The following ERC1 variants were observed in gnomAD, a reference collection of about 807,000 sequenced individuals.
ERC1 encodes ELKS/RAB6-interacting/CAST family member 1.
ERC1 carries 56 observed loss-of-function variants against 132.0 expected under a neutral mutation model. That is an observed-to-expected ratio of 0.42 (90% confidence interval 0.34 to 0.53). The LOEUF (loss-of-function observed/expected upper bound fraction) is 0.53. ERC1 is among the 20% of genes least tolerant of loss of function. ERC1 has a pLI of 0.03. For missense variants in ERC1, 1,202 were observed against 1,349.9 expected (o/e 0.89, Z 1.72); for synonymous variants, 478 against 476.1 (o/e 1.00, Z -0.05).
intron 18 of ERC1, among the ~76,000 whole-genome samples, chr12:1,484,162 G>T (rs541474224): frequency 1.3e-5 from 2 of 151,902 alleles, no homozygotes; most frequent in Non-Finnish European, 2.9e-5. Flanking sequence ...AAAATTAGCC[G>T]AGCGTGGTAG....
At chr12:1,289,799 T>G in intron 14 of ERC1, 53 bp from the exon 15 acceptor site, 1 of 1,508,294 alleles carries the variant, frequency 6.6e-7, no homozygotes, top group East Asian at 2.3e-5. Flanking sequence ...CCAGGTCCTC[T>G]GACTCTGATT....
At chr12:1,168,187 C>T (rs1335278673) in intron 8 of ERC1, among the ~76,000 whole-genome samples, 1 of 152,050 alleles carries the variant, frequency 6.6e-6, no homozygotes, top group African/African-American at 2.4e-5. Flanking sequence ...GTGGTGCGAT[C>T]GTGGCTCACT....
intron 13 of ERC1, among the ~76,000 whole-genome samples, chr12:1,249,165 ATACTT>A (rs1189358867): frequency 3.9e-5 from 6 of 152,154 alleles, no homozygotes; most frequent in Non-Finnish European, 7.3e-5. Flanking sequence ...TGCATGGATT[ATACTT>A]TACATTACTT....
At chr12:1,473,115 T>C (rs2093897070) in intron 18 of ERC1, among the ~76,000 whole-genome samples, 1 of 152,172 alleles carries the variant, frequency 6.6e-6, no homozygotes. Context: ...AACCTCCGCC[T>C]CCTGGGTTCA....
intron 16 of ERC1, among the ~76,000 whole-genome samples, chr12:1,394,551 G>A (rs73026443): frequency 0.039 from 5,968 of 152,226 alleles, 129 homozygotes; most frequent in Middle Eastern, 0.082. Context: ...TGAAGAAGGG[G>A]CCTGATGAGA....
At chr12:1,304,297 C>T (rs1274081367) in intron 15 of ERC1, among the ~76,000 whole-genome samples, 2 of 152,178 alleles carry the variant, frequency 1.3e-5, no homozygotes, top group African/African-American at 4.8e-5. Flanking sequence ...TGATGCCATC[C>T]TTTTGAGTGT....
Position 1,263,139 on chromosome 12 carries a change from T to C in ERC1, c.2593T>C (p.Ser865Pro). 2 of 1,614,076 alleles carry C rather than the reference T, an allele frequency of 1.2e-6. No individual in the cohort carries two copies. The highest frequency in any genetic ancestry group is 1.7e-6 in the Non-Finnish European group (2 of 1,180,004). The change falls in exon 14 of 19, where the codon TCA becomes CCA. Residue 865 changes from serine (S) to proline (P), a missense_variant. Physicochemically the swap from Ser to Pro is moderately conservative, Grantham distance 74 (BLOSUM62 -1). Transcript: ENST00000360905. The part of the protein sequence containing the change: ...EREMVLAQEE[S>P]ARTNAEKQVE... Reference sequence around the variant, plus strand: ...GGAAATGGTGCTAGCACAAGAGGAATCAGCCAGGACCAATGCTGAAAAACA... The same window carrying C: ...GGAAATGGTGCTAGCACAAGAGGAACCAGCCAGGACCAATGCTGAAAAACA...
chr12:1,360,083 C>T (rs1342615744), intron 15 of ERC1, among the ~76,000 whole-genome samples: 1 of 152,138 alleles, frequency 6.6e-6, no homozygotes, highest in Non-Finnish European at 1.5e-5. Flanking sequence ...CTCCCTTCTC[C>T]TCTGGCATCT....
chr12:1,403,701 C>G (rs2091259230), intron 16 of ERC1, among the ~76,000 whole-genome samples: 1 of 152,068 alleles, frequency 6.6e-6, no homozygotes, highest in Non-Finnish European at 1.5e-5. Context: ...CGTACTCACT[C>G]CTAAGAAGTA....
chr12:1,128,712 A>G (rs560619573), intron 7 of ERC1, among the ~76,000 whole-genome samples: 1 of 152,366 alleles, frequency 6.6e-6, no homozygotes, highest in Admixed American at 6.5e-5. Context: ...ATTAGCTATT[A>G]TAATTAATAA....
rs868586667 is a variant in ERC1, at chr12:1,181,039, C to T, written c.1875+362C>T. Among the ~76,000 whole-genome samples, 5 of 152,214 alleles carry T rather than the reference C, an allele frequency of 3.3e-5. No homozygotes were observed. In the South Asian group the frequency reaches 1.0e-3, roughly 32 times the overall value. ...TGTTGGCCAGACTGGTTTTGAACTC[C>T]TGACCTCAAGTGATCCACCCACCTC... On this transcript the variant is annotated intron_variant, in intron 9 of 18. Coordinates refer to ENST00000360905, the MANE Select transcript of ERC1 (RefSeq NM_178040.4).
intron 12 of ERC1, among the ~76,000 whole-genome samples, chr12:1,215,725 A>G (rs1166868361): frequency 6.6e-6 from 1 of 152,164 alleles, no homozygotes; most frequent in Admixed American, 6.5e-5. Flanking sequence ...TGCTCGGCAA[A>G]GACAGGGTAA....
intron 16 of ERC1, among the ~76,000 whole-genome samples, chr12:1,393,029 TTA>T (rs2154383289): frequency 6.6e-6 from 1 of 152,320 alleles, no homozygotes; most frequent in East Asian, 1.9e-4. Context: ...GAGTTTGGCC[TTA>T]TATCATTTGC....
At chr12:1,059,335 A>G (rs1211934257) in intron 2 of ERC1, among the ~76,000 whole-genome samples, 2 of 152,084 alleles carry the variant, frequency 1.3e-5, no homozygotes, top group African/African-American at 4.8e-5. Context: ...TTTTTTCTCT[A>G]GCCTAAGTGC....
chr12:1,359,028 A>G (rs1474114946), intron 15 of ERC1, among the ~76,000 whole-genome samples: 1 of 152,172 alleles, frequency 6.6e-6, no homozygotes, highest in Non-Finnish European at 1.5e-5. Context: ...GGAAAATGTC[A>G]CTGATAGGTC....
chr12:1,138,195 T>TATTTTATATATCATA (rs1394982264), intron 7 of ERC1, among the ~76,000 whole-genome samples: 1 of 114,022 alleles, frequency 8.8e-6, no homozygotes, highest in African/African-American at 4.4e-5. Context: ...TCATATATAA[T>TATTTTATATATCATA]TATATATGAT....
At chr12:1,169,462 G>A (rs1204631876) in intron 8 of ERC1, among the ~76,000 whole-genome samples, 4 of 152,134 alleles carry the variant, frequency 2.6e-5, no homozygotes, top group South Asian at 2.1e-4. Flanking sequence ...TTGGGACTTC[G>A]TGGCAGCTGA....
intron 8 of ERC1, among the ~76,000 whole-genome samples, chr12:1,155,634 G>A (rs1300853111): frequency 5.3e-5 from 8 of 152,044 alleles, no homozygotes; most frequent in East Asian, 1.9e-4. Flanking sequence ...GTGCCACCAC[G>A]CCCGGCTAAT....
At chr12:1,296,401 C>CTTTTTTTTTTTTTTTTT (rs57458560) in intron 15 of ERC1, among the ~76,000 whole-genome samples, 1 of 76,206 alleles carries the variant, frequency 1.3e-5, no homozygotes, top group Non-Finnish European at 2.4e-5. Context: ...ATTGGATAGT[C>CTTTTTTTTTTTTTTTTT]TTTTTTTTTT....
Sources: allele counts gnomAD v4.1 joint callset (sites outside exome capture counted in the v4.1 genomes callset), GRCh38; gene constraint gnomAD v4.1.1; transcripts MANE v1.5; gene names NCBI Gene and HGNC (gene_info 2026-07-23, HGNC 2026-07-21).